The following TRIM2 variants were observed in gnomAD, a reference collection of about 807,000 sequenced individuals.
The protein encoded by TRIM2 is tripartite motif-containing protein 2.
In TRIM2, 20 loss-of-function variants were observed where a neutral mutation model predicts 75.2. The ratio of observed to expected loss-of-function variants is 0.27; its 90% confidence interval spans 0.19 to 0.39. The LOEUF is 0.39. TRIM2 is among the 10% of genes least tolerant of loss of function. The pLI is 1.00. For missense variants in TRIM2, 660 were observed against 990.8 expected (o/e 0.67, Z 4.48); for synonymous variants, 373 against 388.3 (o/e 0.96, Z 0.46).
chr4:153,297,446 A>G (rs1763000835), intron 6 of TRIM2, among the ~76,000 whole-genome samples: 1 of 152,214 alleles, frequency 6.6e-6, no homozygotes, highest in South Asian at 2.1e-4. Context: ...ATGCAAAAAT[A>G]TCTGCTTATC....
At position 153,338,096 on chromosome 4, in the gene TRIM2, T is replaced by C; in HGVS notation, c.*3130T>C. On this transcript the variant is annotated 3_prime_UTR_variant, in exon 12 of 12. Coordinates refer to ENST00000338700, the MANE Select transcript of TRIM2 (RefSeq NM_015271.5). ...TTACTGTGACTAGATTTGAAGCAAA[T>C]AAATACTCCAGATCCATGCAGCTAG... is the stretch of plus-strand genomic sequence containing the variant. The C allele has an allele frequency of 1.0e-6, 1 of 985,774 alleles. No homozygotes were observed. Among genetic ancestry groups the C allele is most frequent in the African/African-American group, 1.7e-5 (1 of 57,324 alleles). 61.1% of individuals were successfully genotyped at this position (985,774 alleles called of 1,614,324 possible). A position where few individuals can be genotyped will look rare whatever the true frequency, so the allele number is the denominator to read the frequency against.
chr4:153,205,837 C>T (rs1256919440), intron 1 of TRIM2, among the ~76,000 whole-genome samples: 1 of 152,126 alleles, frequency 6.6e-6, no homozygotes, highest in Non-Finnish European at 1.5e-5. Flanking sequence ...ATGAATTTGA[C>T]GCCAAGCAAC....
intron 3 of TRIM2, among the ~76,000 whole-genome samples, chr4:153,285,960 G>A (rs1560949839): frequency 6.6e-6 from 1 of 152,172 alleles, no homozygotes; most frequent in Non-Finnish European, 1.5e-5. Context: ...TCTTGATTAA[G>A]TATGATGTTA....
chr4:153,178,443 A>G (rs963192769), intron 1 of TRIM2, among the ~76,000 whole-genome samples: 1 of 152,198 alleles, frequency 6.6e-6, no homozygotes, highest in Admixed American at 6.5e-5. Flanking sequence ...TGAAGAGAAT[A>G]CCTTGAGTCA....
At chr4:153,293,274 G>T (rs1173166994) in intron 4 of TRIM2, 141 bp downstream of exon 4, 2 of 905,010 alleles carry the variant, frequency 2.2e-6, no homozygotes, top group South Asian at 2.4e-5. Context: ...TTTTATCATG[G>T]ATTTGTTGTC....
intron 1 of TRIM2, among the ~76,000 whole-genome samples, chr4:153,243,595 A>G (rs957773536): frequency 2.0e-5 from 3 of 152,188 alleles, no homozygotes; most frequent in Non-Finnish European, 2.9e-5. Context: ...GCTGTTATCT[A>G]TGACTCAAAC....
chr4:153,257,741 G>A, intron 1 of TRIM2: 2 of 578,790 alleles, frequency 3.5e-6, no homozygotes, highest in South Asian at 3.1e-5. Context: ...TGCCTCGTTG[G>A]TTAGTCTGTT....
In TRIM2 at chr4:153,339,110, ACTGC is replaced by A; in HGVS notation, c.*4147_*4150del. ...TGTTCTTTTATGAATCAAAATGTTG[ACTGC>A]CTATTTAAAGAAAAGAATGAACGCT... On this transcript the variant is annotated 3_prime_UTR_variant, in exon 12 of 12. Coordinates refer to ENST00000338700, the MANE Select transcript of TRIM2 (RefSeq NM_015271.5). 1 of 985,726 alleles carries A rather than the reference ACTGC, an allele frequency of 1.0e-6. No homozygotes were observed. Among genetic ancestry groups the A allele is most frequent in the Non-Finnish European group, 1.2e-6 (1 of 829,816 alleles). 61.1% of individuals were successfully genotyped at this position (985,726 alleles called of 1,614,324 possible).
intron 3 of TRIM2, among the ~76,000 whole-genome samples, chr4:153,283,531 T>G (rs1759834798): frequency 6.6e-6 from 1 of 152,262 alleles, no homozygotes; most frequent in Non-Finnish European, 1.5e-5. Flanking sequence ...TACATGTTTT[T>G]GTGTAGACAT....
In TRIM2 at chr4:153,335,099, T is replaced by C. The variant is rs111733088; in HGVS notation, c.*133T>C. 34,827 of 1,316,210 alleles carry C rather than the reference T, an allele frequency of 0.026. 510 individuals are homozygous for C. The highest frequency in any genetic ancestry group is 0.029 in the Non-Finnish European group (30,222 of 1,025,580). The allele number at this position is 1,316,210 out of a possible 1,614,324, so 81.5% of individuals were successfully genotyped here. On this transcript the variant is annotated 3_prime_UTR_variant, in exon 12 of 12. Coordinates refer to ENST00000338700, the MANE Select transcript of TRIM2 (RefSeq NM_015271.5). ...TTGGTGAACTTTCCAAGGTTATTTC[T>C]GAATGTAACAATTTCCTTAAAAATG... is the stretch of plus-strand genomic sequence containing the variant.
At chr4:153,328,447 C>T (rs1378402706) in intron 10 of TRIM2, 83 bp from the exon 11 acceptor site, 2 of 1,276,184 alleles carry the variant, frequency 1.6e-6, no homozygotes, top group Non-Finnish European at 2.1e-6. Flanking sequence ...AAATAACCTG[C>T]TCAAATAGAT....
rs544969911 is a variant in TRIM2 at position 153,227,799 on chromosome 4, C to G, written c.30+23239C>G. On this transcript the variant is annotated intron_variant, in intron 1 of 11. Coordinates refer to ENST00000338700, the MANE Select transcript of TRIM2 (RefSeq NM_015271.5). ...AGGGCTGGAACTTGTCTGACCACAC[C>G]CTCCCCCGCTTTTTGTAGTTCAAGA... Among the ~76,000 whole-genome samples the G allele has an allele frequency of 6.6e-5, 10 of 152,130 alleles. No homozygotes were observed. In the South Asian group the frequency reaches 1.9e-3, roughly 28 times the overall value.
intron 8 of TRIM2, among the ~76,000 whole-genome samples, chr4:153,322,412 A>AAAATAAAT (rs376948126): frequency 7.2e-5 from 11 of 152,170 alleles, no homozygotes; most frequent in African/African-American, 2.4e-4. Context: ...CTTCGTCTCA[A>AAAATAAAT]AAATAAATAA....
At chr4:153,322,980 C>G (rs954711175) in intron 9 of TRIM2, among the ~76,000 whole-genome samples, 164 bp downstream of exon 9, 1 of 152,166 alleles carries the variant, frequency 6.6e-6, no homozygotes, top group Non-Finnish European at 1.5e-5. Flanking sequence ...GTTGCTTGAG[C>G]CTTAGTCACC....
chr4:153,216,846 C>CAT (rs1303907224), intron 1 of TRIM2, among the ~76,000 whole-genome samples: 1 of 152,134 alleles, frequency 6.6e-6, no homozygotes, highest in Non-Finnish European at 1.5e-5. Context: ...TTAATCCGTT[C>CAT]ATGAAAGGGG....
chr4:153,280,279 C>T (rs1378988212), intron 3 of TRIM2, among the ~76,000 whole-genome samples: 1 of 151,772 alleles, frequency 6.6e-6, no homozygotes, highest in African/African-American at 2.4e-5. Context: ...ACGCTTATAA[C>T]CCTGATACCA....
chr4:153,233,262 T>C (rs541351357), intron 1 of TRIM2, among the ~76,000 whole-genome samples: 3 of 152,058 alleles, frequency 2.0e-5, no homozygotes, highest in Non-Finnish European at 4.4e-5. Context: ...GAGAAGACTT[T>C]GGTTTAGCTA....
At chr4:153,201,718 A>C (rs1216057922), upstream of TRIM2, among the ~76,000 whole-genome samples, 1 of 152,134 alleles carries the variant, frequency 6.6e-6, no homozygotes, top group Non-Finnish European at 1.5e-5. Flanking sequence ...AAAGAAAGAA[A>C]AAATTTAAAA....
chr4:153,218,399 AG>A (rs1739067564), intron 1 of TRIM2, among the ~76,000 whole-genome samples: 1 of 152,170 alleles, frequency 6.6e-6, no homozygotes, highest in Non-Finnish European at 1.5e-5. Context: ...TTGTAGAGAC[AG>A]GGTCTCTCTA....
Sources: allele counts gnomAD v4.1 joint callset (sites outside exome capture counted in the v4.1 genomes callset), GRCh38; gene constraint gnomAD v4.1.1; transcripts MANE v1.5; gene names NCBI Gene and HGNC (gene_info 2026-07-23, HGNC 2026-07-21).